The following WDR13 variants were observed in gnomAD, a reference collection of about 807,000 sequenced individuals.
WDR13 encodes the protein WD repeat domain 13, also known as WD repeat-containing protein 13.
A neutral mutation model predicts 28.6 loss-of-function variants in WDR13; 1 was observed. The ratio of observed to expected loss-of-function variants is 0.03; its 90% confidence interval spans 0.01 to 0.17. The LOEUF is 0.17. Ranked by LOEUF, WDR13 falls within the 10% of genes least tolerant of loss-of-function variation. WDR13 has a pLI of 1.00. For missense variants in WDR13, 264 were observed against 469.3 expected, an observed-to-expected ratio of 0.56 and a Z score of 4.04; for synonymous variants, 201 against 185.9, an observed-to-expected ratio of 1.08 and a Z score of -0.66.
chrX:48,604,706 TG>T, intron 9 of WDR13, 141 bp from the exon 10 acceptor site: 1 of 688,272 alleles, frequency 1.5e-6, no homozygotes, highest in Non-Finnish European at 2.1e-6. Flanking sequence ...CATCTAGGGA[TG>T]GGGCCCCCTC....
Position 48,606,307 on chromosome X carries a change from TG to T in WDR13, c.*1276del, listed in dbSNP as rs1337383362. On this transcript the variant is annotated 3_prime_UTR_variant, in exon 10 of 10. Coordinates refer to ENST00000376729, the MANE Select transcript of WDR13 (RefSeq NM_001347217.2). ...GGTCGGACCCCCAGGGGGTTCACTA[TG>T]TTAGGCTGCAGGACTCTGCTGCCTC... 9.1e-6 allele frequency: 1 copy of T among 110,000 alleles called. No individual in the cohort carries two copies. The highest frequency in any genetic ancestry group is 1.9e-5 in the Non-Finnish European group (1 of 52,685). The allele number at this position is 110,000 out of a possible 1,213,427, so 9.1% of individuals were successfully genotyped here.
intron 8 of WDR13, among the ~76,000 whole-genome samples, chrX:48,602,422 C>A (rs933558514): frequency 9.0e-6 from 1 of 111,544 alleles, no homozygotes; most frequent in Non-Finnish European, 1.9e-5. Context: ...TTGCACCGAC[C>A]TGTGAGGTAG....
At chrX:48,599,112 T>C (rs2062164597) in intron 3 of WDR13, 155 bp downstream of exon 3, 1 of 866,787 alleles carries the variant, frequency 1.2e-6, no homozygotes. Flanking sequence ...ACACACAAAC[T>C]TTGTAAACAG....
Position 48,603,783 on chromosome X carries a change from A to C in WDR13, c.1155-489A>C, listed in dbSNP as rs145032076. ...CTCTAAGGGCTGTGCAGTTTTCCAC[A>C]GTGTGGGCATACCATGGTGTGTTCA... On this transcript the variant is annotated intron_variant, in intron 8 of 9. Transcript: ENST00000376729. Among the ~76,000 whole-genome samples the C allele has an allele frequency of 7.4e-3, 828 of 111,693 alleles. 7 individuals are homozygous for C. Among genetic ancestry groups the C allele is most frequent in the African/African-American group, 0.026 (784 of 30,727 alleles).
At chrX:48,602,300 T>C (rs782543070) in intron 8 of WDR13, 94 bp downstream of exon 8, 172 of 983,929 alleles carry the variant, frequency 1.7e-4, no homozygotes, top group Non-Finnish European at 6.3e-5. Flanking sequence ...GTTAATTTAA[T>C]TGAGGGAGCA....
At chrX:48,599,293 A>T (rs1381637001) in intron 3 of WDR13, 60 bp from the exon 4 acceptor site, 8 of 938,022 alleles carry the variant, frequency 8.5e-6, no homozygotes, top group African/African-American at 2.0e-5. Flanking sequence ...AGGGCTCCAC[A>T]CCTCAAAGGT....
In WDR13 at chrX:48,600,434, A is replaced by G; in HGVS notation, c.639A>G (p.Leu213=). Residue 213 remains leucine (L), a synonymous_variant, in exon 6 of 10, where the codon CTA becomes CTG. Transcript: ENST00000376729. Reference sequence around the variant, plus strand: ...CCCCACCCACAGTGCTTCGCGTGCTACGGGGCCACACCCGTGGTGTCTCCG... The same window carrying G: ...CCCCACCCACAGTGCTTCGCGTGCTGCGGGGCCACACCCGTGGTGTCTCCG... The part of the protein sequence containing the change: ...VPAPPTVLRV[L]RGHTRGVSDF... 1 of 1,212,151 alleles carries G rather than the reference A, an allele frequency of 8.2e-7. No individual in the cohort carries two copies.
In WDR13 at chrX:48,604,266, T is replaced by C. The variant is rs1644811640; in HGVS notation, c.1155-6T>C. ...TGTGTTTTGACCCACTCTCTCATCC[T>C]CTCAGGGTGGTAGACAACGAGGGGA... On this transcript the variant is annotated splice_polypyrimidine_tract_variant and splice_region_variant and intron_variant, in intron 8 of 9. Coordinates refer to ENST00000376729, the MANE Select transcript of WDR13 (RefSeq NM_001347217.2). 9.1e-6 allele frequency: 11 copies of C among 1,207,912 alleles called. No individual in the cohort carries two copies. Among genetic ancestry groups the C allele is most frequent in the Middle Eastern group, 4.6e-4 (2 of 4,366 alleles).
At position 48,605,220 on chromosome X, in the gene WDR13, G is replaced by T; in HGVS notation, c.*188G>T. ...TTCATTGACTCATTTGTGCATTCAT[G>T]CATCGACGGATTCATTCATTCCACA... is the stretch of plus-strand genomic sequence containing the variant. On this transcript the variant is annotated 3_prime_UTR_variant, in exon 10 of 10. Coordinates refer to ENST00000376729, the MANE Select transcript of WDR13 (RefSeq NM_001347217.2). 1 of 469,429 alleles carries T rather than the reference G, an allele frequency of 2.1e-6. No individual in the cohort carries two copies. Among genetic ancestry groups the T allele is most frequent in the Non-Finnish European group, 3.5e-6 (1 of 282,720 alleles). 38.7% of individuals were successfully genotyped at this position (469,429 alleles called of 1,213,427 possible).
At chrX:48,598,646 ACC>A (rs782677176) in intron 2 of WDR13, 69 bp from the exon 3 acceptor site, 2,448 of 813,670 alleles carry the variant, frequency 3.0e-3, no homozygotes, top group East Asian at 0.018. Flanking sequence ...CTCCTGCCGT[ACC>A]CCCCCCCCCG....
At chrX:48,597,810 G>T in intron 1 of WDR13, 148 bp from the exon 2 acceptor site, 1 of 752,144 alleles carries the variant, frequency 1.3e-6, no homozygotes, top group Non-Finnish European at 1.9e-6. Flanking sequence ...GCAGGGCTGG[G>T]GTGATGACCA....
chrX:48,604,458 T>A (rs1556995516), intron 9 of WDR13, 68 bp downstream of exon 9: 2 of 974,797 alleles, frequency 2.1e-6, no homozygotes, highest in African/African-American at 3.8e-5. Flanking sequence ...GGTGCCAACC[T>A]GGCTCAGACA....
At chrX:48,601,392 C>T (rs1374289198) in intron 6 of WDR13, among the ~76,000 whole-genome samples, 4 of 112,010 alleles carry the variant, frequency 3.6e-5, no homozygotes, top group Non-Finnish European at 5.6e-5. Flanking sequence ...AGGAACAGAC[C>T]AAGAGTGAGC....
At position 48,607,915 on chromosome X, in the gene WDR13, CCTG is replaced by C. The variant is rs2062231296; in HGVS notation, c.*2885_*2887del. ...TCCTGAATAGCTGGGACTACAGGCG[CCTG>C]CCACCACCACGCCCAGCTAATTTTT... On this transcript the variant is annotated 3_prime_UTR_variant, in exon 10 of 10. Transcript: ENST00000376729. 1 of 107,775 alleles carries C rather than the reference CCTG, an allele frequency of 9.3e-6. No individual in the cohort carries two copies. Among genetic ancestry groups the C allele is most frequent in the East Asian group, 3.0e-4 (1 of 3,373 alleles). 8.9% of individuals were successfully genotyped at this position (107,775 alleles called of 1,213,427 possible).
chrX:48,603,110 G>A (rs906505793), intron 8 of WDR13, among the ~76,000 whole-genome samples: 11 of 111,815 alleles, frequency 9.8e-5, no homozygotes, highest in Non-Finnish European at 1.7e-4. Context: ...CCAACTCCTG[G>A]GCTCATGCGA....
At chrX:48,600,683 T>C in intron 6 of WDR13, 57 bp downstream of exon 6, 1 of 1,152,009 alleles carries the variant, frequency 8.7e-7, no homozygotes. Flanking sequence ...AGGAAGGCTA[T>C]CTGAGGGAAT....
intron 2 of WDR13, chrX:48,598,426 A>G (rs1413156175): frequency 2.0e-6 from 2 of 1,011,583 alleles, no homozygotes; most frequent in Admixed American, 5.1e-5. Flanking sequence ...TCGCCCTGGT[A>G]TACTGACCCT....
rs1482305506 is a variant in WDR13, at chrX:48,607,763, C to T, written c.*2731C>T. The T allele has an allele frequency of 9.3e-6, 1 of 107,597 alleles. No homozygotes were observed. The highest frequency in any genetic ancestry group is 1.9e-5 in the Non-Finnish European group (1 of 51,857). 8.9% of individuals were successfully genotyped at this position (107,597 alleles called of 1,213,427 possible). A position where few individuals can be genotyped will look rare whatever the true frequency, so the allele number is the denominator to read the frequency against. On this transcript the variant is annotated 3_prime_UTR_variant, in exon 10 of 10. Coordinates refer to ENST00000376729, the MANE Select transcript of WDR13 (RefSeq NM_001347217.2). Reference sequence around the variant, plus strand: ...AGGAAAGCAGGGGCTCAGCATAAACCACCTTTTTTTTTTTTTTTTTAATTG... The same window carrying T: ...AGGAAAGCAGGGGCTCAGCATAAACTACCTTTTTTTTTTTTTTTTTAATTG...
At chrX:48,598,492 C>T (rs782565723) in intron 2 of WDR13, 10 of 1,042,913 alleles carry the variant, frequency 9.6e-6, no homozygotes, top group Non-Finnish European at 1.1e-5. Flanking sequence ...CGGCAGCAGA[C>T]TGACTCTGTT....
Sources: gnomAD v4.1 joint callset for allele counts (sites outside exome capture counted in the v4.1 genomes callset) on GRCh38, gnomAD v4.1.1 for gene constraint, MANE v1.5 for transcripts, NCBI Gene and HGNC (gene_info 2026-07-23, HGNC 2026-07-21) for gene names.